The following BCL7B variants were observed in gnomAD, a reference collection of about 807,000 sequenced individuals.
BCL7B encodes the protein BAF chromatin remodeling complex subunit BCL7B, also known as B-cell CLL/lymphoma 7 protein family member B.
A neutral mutation model predicts 26.5 loss-of-function variants in BCL7B; 11 were observed. The observed-to-expected ratio is 0.42, with a 90% confidence interval of 0.26 to 0.69. The LOEUF is 0.69. BCL7B is among the 30% of genes least tolerant of loss of function. The pLI, the probability that BCL7B is intolerant of heterozygous loss-of-function variation, is 0.28. For synonymous variants in BCL7B, 111 were observed against 107.9 expected, an observed-to-expected ratio of 1.03 and a Z score of -0.18; for missense variants, 215 against 264.4, an observed-to-expected ratio of 0.81 and a Z score of 1.30.
At chr7:73,546,729 A>AT (rs1411491748) in intron 2 of BCL7B, among the ~76,000 whole-genome samples, 2 of 152,218 alleles carry the variant, frequency 1.3e-5, no homozygotes, top group Non-Finnish European at 2.9e-5. Context: ...GAAAAATACA[A>AT]TTGCTCAAAT....
chr7:73,549,946 G>A (rs1554583920), intron 2 of BCL7B, among the ~76,000 whole-genome samples: 3 of 152,218 alleles, frequency 2.0e-5, no homozygotes, highest in African/African-American at 7.2e-5. Context: ...GGAGGAAGAG[G>A]ATGGGAAGAG....
intron 1 of BCL7B, among the ~76,000 whole-genome samples, chr7:73,554,666 C>T (rs1554584523): frequency 1.3e-5 from 2 of 151,784 alleles, no homozygotes; most frequent in South Asian, 2.1e-4. Context: ...GGCATGGTGG[C>T]GCACACCTGT....
At chr7:73,543,190 T>G (rs1166647241) in intron 3 of BCL7B, among the ~76,000 whole-genome samples, 2 of 152,054 alleles carry the variant, frequency 1.3e-5, no homozygotes, top group Non-Finnish European at 2.9e-5. Context: ...TTTTTTTTTT[T>G]TTTTGAGACG....
At chr7:73,555,882 T>C (rs1451848404) in intron 1 of BCL7B, among the ~76,000 whole-genome samples, 1 of 152,092 alleles carries the variant, frequency 6.6e-6, no homozygotes, top group African/African-American at 2.4e-5. Flanking sequence ...AATAAGGCTG[T>C]GCACTTTAAA....
In BCL7B at chr7:73,537,228, A is replaced by G. The variant is rs1283826093; in HGVS notation, c.*70T>C. The G allele has an allele frequency of 1.3e-6, 2 of 1,504,496 alleles. No homozygotes were observed. The highest frequency in any genetic ancestry group is 1.8e-6 in the Non-Finnish European group (2 of 1,086,100). The allele number at this position is 1,504,496 out of a possible 1,614,324, so 93.2% of individuals were successfully genotyped here. A position where few individuals can be genotyped will look rare whatever the true frequency, so the allele number is the denominator to read the frequency against. Reference sequence around the variant, plus strand: ...CCCCAGTGCTTGCCCTTACCCCAGCAACGCGGCGCGGCCAGAACCAGAATG... The same window carrying G: ...CCCCAGTGCTTGCCCTTACCCCAGCGACGCGGCGCGGCCAGAACCAGAATG... On this transcript the variant is annotated 3_prime_UTR_variant, in exon 6 of 6. Transcript: ENST00000223368.
chr7:73,537,207 A>G lies in BCL7B; in HGVS notation c.*91T>C. ...CTCATGTGTGCAGGCTCTTGACCCC[A>G]GTGCTTGCCCTTACCCCAGCAACGC... On this transcript the variant is annotated 3_prime_UTR_variant, in exon 6 of 6. Coordinates refer to ENST00000223368, the MANE Select transcript of BCL7B (RefSeq NM_001707.4). 7.9e-7 allele frequency: 1 copy of G among 1,271,416 alleles called. No homozygotes were observed. The highest frequency in any genetic ancestry group is 1.1e-6 in the Non-Finnish European group (1 of 883,256). 78.8% of individuals were successfully genotyped at this position (1,271,416 alleles called of 1,614,324 possible). A position where few individuals can be genotyped will look rare whatever the true frequency, so the allele number is the denominator to read the frequency against.
At chr7:73,538,187 G>A (rs955909866) in intron 4 of BCL7B, 174 bp from the exon 5 acceptor site, 2 of 424,980 alleles carry the variant, frequency 4.7e-6, no homozygotes, top group Non-Finnish European at 8.4e-6. Context: ...AATGGTGGAA[G>A]GGCAAAATAC....
chr7:73,557,689 G>T lies in BCL7B; in HGVS notation c.-111C>A. 7.3e-6 allele frequency: 4 copies of T among 548,324 alleles called. No individual in the cohort carries two copies. Among genetic ancestry groups the T allele is most frequent in the Non-Finnish European group, 9.6e-6 (4 of 418,798 alleles). 34.0% of individuals were successfully genotyped at this position (548,324 alleles called of 1,614,324 possible). A position where few individuals can be genotyped will look rare whatever the true frequency, so the allele number is the denominator to read the frequency against. The stretch of plus-strand genomic sequence containing the variant: ...CCGCCGCAGCGTCACAGCGGCCGTC[G>T]CCCCCTCCGTGCGCGCGTGCGCGAG... On this transcript the variant is annotated 5_prime_UTR_variant, in exon 1 of 6. Coordinates refer to ENST00000223368, the MANE Select transcript of BCL7B (RefSeq NM_001707.4).
At chr7:73,556,488 T>G (rs1272586180) in intron 1 of BCL7B, among the ~76,000 whole-genome samples, 3 of 152,182 alleles carry the variant, frequency 2.0e-5, no homozygotes, top group Non-Finnish European at 4.4e-5. Context: ...ACCTGGGTTT[T>G]TAAATTATTA....
At chr7:73,552,650 G>A (rs745640071) in intron 1 of BCL7B, among the ~76,000 whole-genome samples, 2 of 151,814 alleles carry the variant, frequency 1.3e-5, no homozygotes, top group African/African-American at 2.4e-5. Flanking sequence ...GCGTGGTGGC[G>A]TGTGCCTGTA....
rs566387948 is a variant in BCL7B at position 73,536,957 on chromosome 7, C to G, written c.*341G>C. On this transcript the variant is annotated 3_prime_UTR_variant, in exon 6 of 6. Coordinates refer to ENST00000223368, the MANE Select transcript of BCL7B (RefSeq NM_001707.4). ...CTTCTAGAAGGTGCCTTCCACATCT[C>G]TCTCTTCTCGCAGAAGCTGCCAGCA... is the stretch of plus-strand genomic sequence containing the variant. 8 of 241,322 alleles carry G rather than the reference C, an allele frequency of 3.3e-5. No homozygotes were observed. The East Asian group carries it at 6.1e-4, about 18-fold the overall frequency. 14.9% of individuals were successfully genotyped at this position (241,322 alleles called of 1,614,324 possible). A position where few individuals can be genotyped will look rare whatever the true frequency, so the allele number is the denominator to read the frequency against.
intron 2 of BCL7B, among the ~76,000 whole-genome samples, chr7:73,546,729 A>G (rs1018099159): frequency 1.3e-5 from 2 of 152,218 alleles, no homozygotes; most frequent in African/African-American, 4.8e-5. Flanking sequence ...GAAAAATACA[A>G]TTGCTCAAAT....
intron 2 of BCL7B, among the ~76,000 whole-genome samples, chr7:73,550,918 A>G (rs1554584041): frequency 6.6e-6 from 1 of 152,150 alleles, no homozygotes; most frequent in African/African-American, 2.4e-5. Context: ...CGGCCTCCCA[A>G]AGTGCTGGGA....
chr7:73,554,934 C>T (rs1792308034), intron 1 of BCL7B, among the ~76,000 whole-genome samples: 1 of 151,976 alleles, frequency 6.6e-6, no homozygotes, highest in African/African-American at 2.4e-5. Flanking sequence ...TTTATTCAAC[C>T]AATTAGTATA....
At chr7:73,546,068 C>T (rs1046021014) in intron 2 of BCL7B, among the ~76,000 whole-genome samples, 1 of 148,578 alleles carries the variant, frequency 6.7e-6, no homozygotes, top group African/African-American at 2.5e-5. Context: ...GGAGGCAGAG[C>T]TTGCAGTGAG....
intron 3 of BCL7B, among the ~76,000 whole-genome samples, chr7:73,541,679 C>G (rs575937553): frequency 4.6e-5 from 7 of 152,134 alleles, no homozygotes; most frequent in African/African-American, 7.2e-5. Context: ...GTTGGTCAGG[C>G]TGGTCTCGAA....
At chr7:73,543,253 C>T (rs1446640912) in intron 3 of BCL7B, among the ~76,000 whole-genome samples, 6 of 151,792 alleles carry the variant, frequency 4.0e-5, no homozygotes, top group Admixed American at 3.3e-4. Flanking sequence ...CTCGGCTCAC[C>T]GCAACCTCCA....
intron 5 of BCL7B, 150 bp from the exon 6 acceptor site, chr7:73,537,540 G>A: frequency 1.6e-6 from 1 of 634,790 alleles, no homozygotes; most frequent in Non-Finnish European, 2.8e-6. Context: ...CTCATTTCCG[G>A]CGCTGCAGAT....
intron 1 of BCL7B, chr7:73,557,246 G>A (rs1291157375): frequency 7.3e-6 from 8 of 1,103,122 alleles, no homozygotes; most frequent in Non-Finnish European, 6.6e-6. Context: ...TCCCCTCCCA[G>A]GCGGCGCGCG....
Sources: gnomAD v4.1 joint callset for allele counts (sites outside exome capture counted in the v4.1 genomes callset) on GRCh38, gnomAD v4.1.1 for gene constraint, MANE v1.5 for transcripts, NCBI Gene and HGNC (gene_info 2026-07-23, HGNC 2026-07-21) for gene names.